Variants in FREM2 observed in about 807,000 individuals in gnomAD.
FREM2 encodes FRAS1-related extracellular matrix protein 2.
FREM2 carries 119 observed loss-of-function variants against 219.9 expected under a neutral mutation model. The ratio of observed to expected loss-of-function variants is 0.54; its 90% CI spans 0.47 to 0.63. The LOEUF (loss-of-function observed/expected upper bound fraction) is 0.63, where lower values mean the gene tolerates loss of function less well. Ranked by LOEUF, FREM2 falls within the 30% of genes least tolerant of loss-of-function variation. The probability of loss-of-function intolerance (pLI) is 0.00; values close to 1 mark genes in which losing one functional copy is unlikely to be tolerated. For missense variants in FREM2, 4,030 were observed against 3,993.6 expected (o/e 1.01, Z -0.25); for synonymous variants, 1,562 against 1,522.8 (o/e 1.03, Z -0.60).
intron 3 of FREM2, among the ~76,000 whole-genome samples, chr13:38,767,081 G>A (rs1486327045): frequency 6.6e-6 from 1 of 152,198 alleles, no homozygotes; most frequent in African/African-American, 2.4e-5. Flanking sequence ...AAGGGGCAGA[G>A]CTGAGATTGG....
intron 4 of FREM2, among the ~76,000 whole-genome samples, chr13:38,779,753 G>C (rs781310026): frequency 3.3e-5 from 5 of 152,172 alleles, no homozygotes; most frequent in Non-Finnish European, 5.9e-5. Context: ...AACAGTTCTG[G>C]TGAAAATAGC....
chr13:38,689,151 C>G lies in FREM2; in HGVS notation c.1807C>G (p.Pro603Ala), dbSNP rs1458123116. The change falls in exon 1 of 24, where the codon CCC becomes GCC. Residue 603 changes from proline (P) to alanine (A), a missense_variant. Around this residue, in one of 2 missense-constraint regions of FREM2, gnomAD observed 3,102 missense variants for 2,950.7 expected, o/e 1.05. Coordinates refer to ENST00000280481, the MANE Select transcript of FREM2 (RefSeq NM_207361.6). ...TCTGCTGCTTTTTGTGCTGGAGTCA[C>G]CCTTCTTAACTACGGGGCATCTGCT... Reference protein sequence around the residue: ...DSLLLFVLESPFLTTGHLLLR... With the variant: ...DSLLLFVLESAFLTTGHLLLR... 1 of 1,613,908 alleles carries G rather than the reference C, an allele frequency of 6.2e-7. No homozygotes were observed. Among genetic ancestry groups the G allele is most frequent in the Non-Finnish European group, 8.5e-7 (1 of 1,180,028 alleles).
chr13:38,758,119 C>T (rs886815351), intron 2 of FREM2, among the ~76,000 whole-genome samples: 1 of 152,162 alleles, frequency 6.6e-6, no homozygotes, highest in African/African-American at 2.4e-5. Context: ...GCCTGAGTCA[C>T]CTCTGGATGA....
intron 2 of FREM2, among the ~76,000 whole-genome samples, chr13:38,718,716 A>G (rs1871106558): frequency 6.6e-6 from 1 of 152,214 alleles, no homozygotes; most frequent in South Asian, 2.1e-4. Flanking sequence ...TTAAACAATT[A>G]TCTCTTAATT....
intron 1 of FREM2, among the ~76,000 whole-genome samples, chr13:38,693,879 G>A (rs1870001014): frequency 6.6e-6 from 1 of 152,172 alleles, no homozygotes; most frequent in Non-Finnish European, 1.5e-5. Context: ...ACCTCAAAGT[G>A]CCAAGTGTCA....
intron 2 of FREM2, among the ~76,000 whole-genome samples, chr13:38,748,142 A>G (rs763705822): frequency 5.3e-5 from 8 of 152,198 alleles, no homozygotes; most frequent in Non-Finnish European, 1.0e-4. Flanking sequence ...GGGCTGGGGC[A>G]TTATATAGTT....
intron 2 of FREM2, among the ~76,000 whole-genome samples, chr13:38,702,226 C>T (rs1870371224): frequency 6.6e-6 from 1 of 151,994 alleles, no homozygotes; most frequent in Non-Finnish European, 1.5e-5. Context: ...TCAAAATCTT[C>T]AGTGAAATGT....
chr13:38,739,734 A>G (rs1872160017), intron 2 of FREM2, among the ~76,000 whole-genome samples: 1 of 152,062 alleles, frequency 6.6e-6, no homozygotes, highest in Admixed American at 6.6e-5. Flanking sequence ...TCTACTTCCC[A>G]GAGAGATTCT....
chr13:38,708,513 G>A (rs1178326883), intron 2 of FREM2, among the ~76,000 whole-genome samples: 1 of 152,008 alleles, frequency 6.6e-6, no homozygotes, highest in African/African-American at 2.4e-5. Flanking sequence ...AATTAGCTGG[G>A]CCTGGTAGCG....
chr13:38,746,488 G>A (rs537727340), intron 2 of FREM2, among the ~76,000 whole-genome samples: 2 of 152,276 alleles, frequency 1.3e-5, no homozygotes, highest in South Asian at 4.1e-4. Flanking sequence ...CAGAGCCAGT[G>A]GGTGGGAGGC....
chr13:38,708,399 A>T (rs1391956031), intron 2 of FREM2, among the ~76,000 whole-genome samples: 2 of 152,160 alleles, frequency 1.3e-5, no homozygotes, highest in Non-Finnish European at 2.9e-5. Flanking sequence ...CATGCCTGTA[A>T]TCCCAGCATC....
At chr13:38,848,436 G>C (rs1264600276) in intron 7 of FREM2, 25 bp from the exon 8 acceptor site, 1 of 1,539,142 alleles carries the variant, frequency 6.5e-7, no homozygotes, top group East Asian at 2.2e-5. Context: ...GTCCCCAACT[G>C]AATATTTTTT....
rs1869879053 is a variant in FREM2, at chr13:38,691,776, T to C, written c.4432T>C (p.Ser1478Pro). The C allele has an allele frequency of 1.2e-6, 2 of 1,614,110 alleles. No homozygotes were observed. The highest frequency in any genetic ancestry group is 1.7e-6 in the Non-Finnish European group (2 of 1,180,012). The stretch of plus-strand genomic sequence containing the variant: ...GGAATGCACGGATCAGCCTGGTGTG[T>C]CCATCACGTCTTTCACTCAGCTGCA... ...HLECTDQPGVSITSFTQLQLA... is the reference protein window; with the variant it reads ...HLECTDQPGVPITSFTQLQLA... The change falls in exon 1 of 24, where the codon TCC becomes CCC. Residue 1478 changes from serine to proline, a missense_variant. Transcript: ENST00000280481.
At chr13:38,869,646 C>T (rs1282182470) in intron 16 of FREM2, among the ~76,000 whole-genome samples, 1 of 152,026 alleles carries the variant, frequency 6.6e-6, no homozygotes, top group African/African-American at 2.4e-5. Flanking sequence ...AAAATATAAA[C>T]ACAGATAAAT....
intron 6 of FREM2, among the ~76,000 whole-genome samples, chr13:38,836,586 G>A (rs9548471): frequency 0.14 from 20,948 of 152,034 alleles, 1,672 homozygotes; most frequent in Admixed American, 0.24. Context: ...GGCTTCTTTT[G>A]GTTTGTAGGC....
chr13:38,865,393 T>C (rs1404902156), intron 16 of FREM2, among the ~76,000 whole-genome samples: 1 of 152,168 alleles, frequency 6.6e-6, no homozygotes, highest in Non-Finnish European at 1.5e-5. Flanking sequence ...TTGTTATGAG[T>C]ATTTGAACTA....
At chr13:38,703,490 C>G (rs1053795352) in intron 2 of FREM2, among the ~76,000 whole-genome samples, 1 of 152,086 alleles carries the variant, frequency 6.6e-6, no homozygotes, top group Admixed American at 6.6e-5. Context: ...GTGTTGGCTA[C>G]TGTGGCTGAA....
chr13:38,877,919 T>G (rs1356556953), intron 21 of FREM2, among the ~76,000 whole-genome samples: 1 of 152,184 alleles, frequency 6.6e-6, no homozygotes, highest in African/African-American at 2.4e-5. Context: ...CAATAAATCT[T>G]TAGTCACTTC....
chr13:38,730,723 A>G (rs956436923), intron 2 of FREM2, among the ~76,000 whole-genome samples: 18 of 152,202 alleles, frequency 1.2e-4, no homozygotes, highest in African/African-American at 4.3e-4. Flanking sequence ...AAATGCTTTT[A>G]TTGAACTGTG....
Sources: allele counts gnomAD v4.1 joint callset (sites outside exome capture counted in the v4.1 genomes callset), GRCh38; gene constraint gnomAD v4.1.1; regional missense constraint gnomAD v4.1.1; transcripts MANE v1.5; gene names NCBI Gene and HGNC (gene_info 2026-07-23, HGNC 2026-07-21).